The following MED13L variants were observed in gnomAD, a reference collection of about 807,000 sequenced individuals.
MED13L encodes the protein mediator complex subunit 13L, also known as mediator of RNA polymerase II transcription subunit 13-like.
MED13L carries 7 observed loss-of-function variants against 220.9 expected under a neutral mutation model. The observed-to-expected ratio is 0.03, with a 90% confidence interval of 0.02 to 0.06. MED13L has a LOEUF of 0.06. Among genes scored for constraint, MED13L ranks in the 10% least tolerant of loss-of-function variants. MED13L has a pLI of 1.00. For missense variants in MED13L, 1,965 were observed against 2,760.5 expected (o/e 0.71, Z 6.46); for synonymous variants, 1,011 against 1,015.2 (o/e 1.00, Z 0.08).
chr12:116,092,666 T>C (rs1348158364), intron 4 of MED13L, among the ~76,000 whole-genome samples: 1 of 152,080 alleles, frequency 6.6e-6, no homozygotes, highest in African/African-American at 2.4e-5. Flanking sequence ...TGTTAGGTAA[T>C]CTAAGAAAAT....
chr12:116,086,816 C>T (rs1291096037), intron 4 of MED13L, among the ~76,000 whole-genome samples: 1 of 152,124 alleles, frequency 6.6e-6, no homozygotes, highest in African/African-American at 2.4e-5. Flanking sequence ...TTTCCTTTGA[C>T]TCCATAAAAG....
At position 116,024,773 on chromosome 12, in the gene MED13L, CGGGGGGGGG is replaced by C. The variant is rs796599611; in HGVS notation, c.480-2181_480-2173del. The stretch of plus-strand genomic sequence containing the variant: ...AGTTTCATGCTTTTTTTTGGCGGGG[CGGGGGGGGG>C]GGGGAGGTGATCTTGTTTTTAAATT... On this transcript the variant is annotated intron_variant, in intron 4 of 30. Transcript: ENST00000281928. Among the ~76,000 whole-genome samples the C allele has an allele frequency of 2.5e-3, 13 of 5,118 alleles. 3 individuals carry two copies. The Admixed American group carries it at 0.031, about 12-fold the overall frequency. The allele number at this position is 5,118 out of a possible 152,430, so 3.4% of individuals were successfully genotyped here.
intron 4 of MED13L, 96 bp downstream of exon 4, chr12:116,096,573 C>G (rs1006953386): frequency 1.1e-6 from 1 of 876,206 alleles, no homozygotes; most frequent in South Asian, 1.4e-5. Context: ...TATATCTAAA[C>G]TACTAACATT....
At chr12:116,158,814 C>G (rs1024902718) in intron 2 of MED13L, among the ~76,000 whole-genome samples, 15 of 152,132 alleles carry the variant, frequency 9.9e-5, no homozygotes, top group African/African-American at 3.6e-4. Context: ...TATAACCTTA[C>G]AAGATAGGTA....
chr12:116,229,384 C>T (rs180850650), intron 2 of MED13L, among the ~76,000 whole-genome samples: 74 of 152,214 alleles, frequency 4.9e-4, no homozygotes, highest in South Asian at 1.2e-3. Flanking sequence ...TTCATATCAA[C>T]GCAAAACATT....
chr12:116,223,910 C>A lies in MED13L; in HGVS notation c.310+13558G>T, dbSNP rs190925510. 2.5e-3 allele frequency among the ~76,000 whole-genome samples: 383 copies of A among 152,258 alleles called. 1 individual carries two copies. The highest frequency in any genetic ancestry group is 8.8e-3 in the African/African-American group (364 of 41,546). On this transcript the variant is annotated intron_variant, in intron 2 of 30. Coordinates refer to ENST00000281928, the MANE Select transcript of MED13L (RefSeq NM_015335.5). ...GACACCAGGAAGTCTTCCTAGCATG[C>A]AATGGTGCTAGACTGATAATCTTTA...
rs949187705 is a variant in MED13L at position 115,980,695 on chromosome 12, T to C, written c.5364+55A>G. The C allele has an allele frequency of 1.1e-5, 17 of 1,568,230 alleles. No homozygotes were observed. In the Admixed American group the frequency reaches 2.0e-4, roughly 18 times the overall value. On this transcript the variant is annotated intron_variant, in intron 23 of 30. Coordinates refer to ENST00000281928, the MANE Select transcript of MED13L (RefSeq NM_015335.5). The stretch of plus-strand genomic sequence containing the variant: ...ATCTCTGGGTTAGATAAAATACCTC[T>C]TCTAGCTTGCATTTTAGTATAAATT...
intron 2 of MED13L, among the ~76,000 whole-genome samples, chr12:116,141,402 T>A (rs991311849): frequency 6.6e-6 from 1 of 152,230 alleles, no homozygotes; most frequent in African/African-American, 2.4e-5. Flanking sequence ...TAGCTTCATA[T>A]ATAAAATATA....
chr12:116,217,003 T>C (rs550966893), intron 2 of MED13L, among the ~76,000 whole-genome samples: 2 of 152,358 alleles, frequency 1.3e-5, no homozygotes, highest in African/African-American at 2.4e-5. Context: ...ATACTTTGAC[T>C]TTTTTTATGT....
At chr12:116,059,794 TATTAA>T (rs1869290729) in intron 4 of MED13L, among the ~76,000 whole-genome samples, 1 of 152,194 alleles carries the variant, frequency 6.6e-6, no homozygotes, top group Non-Finnish European at 1.5e-5. Flanking sequence ...TTAGATAAAT[TATTAA>T]ATTTAATTAA....
chr12:116,091,437 C>G (rs1327500167), intron 4 of MED13L, among the ~76,000 whole-genome samples: 1 of 152,140 alleles, frequency 6.6e-6, no homozygotes, highest in Non-Finnish European at 1.5e-5. Context: ...TCACCTCTGG[C>G]TGAAGTGGTC....
At chr12:116,128,122 A>T (rs1875750941) in intron 2 of MED13L, among the ~76,000 whole-genome samples, 1 of 152,218 alleles carries the variant, frequency 6.6e-6, no homozygotes. Flanking sequence ...GACAACTGTA[A>T]GAAATTATTC....
chr12:116,005,835 G>C, intron 13 of MED13L, 34 bp downstream of exon 13: 1 of 1,612,892 alleles, frequency 6.2e-7, no homozygotes, highest in Non-Finnish European at 8.5e-7. Flanking sequence ...TTCATGTAGC[G>C]AAATTTTTGT....
chr12:116,191,253 G>A (rs1336972210), intron 2 of MED13L, among the ~76,000 whole-genome samples: 1 of 152,064 alleles, frequency 6.6e-6, no homozygotes, highest in Non-Finnish European at 1.5e-5. Flanking sequence ...AGTTTATTAA[G>A]TACATTGGTG....
chr12:116,136,066 C>T (rs989264254), intron 2 of MED13L, among the ~76,000 whole-genome samples: 40 of 152,208 alleles, frequency 2.6e-4, no homozygotes, highest in Middle Eastern at 3.4e-3. Flanking sequence ...CCATGCCCGG[C>T]TAATTTTTGT....
At chr12:116,113,857 G>C (rs969875584) in intron 2 of MED13L, among the ~76,000 whole-genome samples, 2 of 98,904 alleles carry the variant, frequency 2.0e-5, no homozygotes, top group African/African-American at 8.0e-5. Flanking sequence ...AGAGAGGAGA[G>C]GGGGAGAGGG....
intron 3 of MED13L, among the ~76,000 whole-genome samples, chr12:116,104,288 G>A (rs1399834273): frequency 1.3e-5 from 2 of 152,036 alleles, no homozygotes; most frequent in Non-Finnish European, 2.9e-5. Context: ...GGGACTACAG[G>A]TGTGAGCCAT....
At chr12:116,173,890 G>A (rs909082828) in intron 2 of MED13L, among the ~76,000 whole-genome samples, 1 of 152,276 alleles carries the variant, frequency 6.6e-6, no homozygotes, top group East Asian at 1.9e-4. Flanking sequence ...CTTGAGGCCA[G>A]GAGTTTGAGA....
rs1178214194 is a variant in MED13L, at chr12:115,975,580, A to T, written c.5523T>A (p.Ala1841=). The T allele has an allele frequency of 1.9e-6, 3 of 1,614,196 alleles. No homozygotes were observed. The highest frequency in any genetic ancestry group is 1.1e-5 in the South Asian group (1 of 91,088). The change falls in exon 24 of 31, where the codon GCT becomes GCA. Residue 1841 remains alanine (A), a synonymous_variant. Coordinates refer to ENST00000281928, the MANE Select transcript of MED13L (RefSeq NM_015335.5). ...CLSHDQRWLL[A]SCTDLHGELL... ...ATTCCCCATGGAGGTCAGTGCAGGA[A>T]GCCAAAAGCCAGCGCTGGTCGTGAG...
Sources: gnomAD v4.1 joint callset for allele counts (sites outside exome capture counted in the v4.1 genomes callset) on GRCh38, gnomAD v4.1.1 for gene constraint, MANE v1.5 for transcripts, NCBI Gene and HGNC (gene_info 2026-07-23, HGNC 2026-07-21) for gene names.